The following MUC17 variants were observed in gnomAD, a reference collection of about 807,000 sequenced individuals.
MUC17 encodes the protein mucin-17.
MUC17 carries 190 observed loss-of-function variants against 170.3 expected under a neutral mutation model. The ratio of observed to expected loss-of-function variants is 1.12; its 90% confidence interval spans 0.99 to 1.26. MUC17 has a LOEUF of 1.26. MUC17 is among the 50% of genes most tolerant of loss of function. MUC17 has a pLI of 0.00. For synonymous variants in MUC17, 2,325 were observed against 2,002.5 expected, an observed-to-expected ratio of 1.16 and a Z score of -4.30; for missense variants, 6,415 against 5,530.0, an observed-to-expected ratio of 1.16 and a Z score of -5.08.
chr7:101,030,447 A>G (rs563403340), intron 1 of MUC17, among the ~76,000 whole-genome samples: 47 of 151,756 alleles, frequency 3.1e-4, no homozygotes, highest in African/African-American at 9.9e-4. Flanking sequence ...CTGGTCTCGA[A>G]CTCCTGACCT....
rs1237020093 is a variant in MUC17, at chr7:101,038,489, T to C, written c.7073T>C (p.Leu2358Pro). ...TMVASFETST[L>P]STTPADTSTP... The stretch of plus-strand genomic sequence containing the variant: ...GTGGCCAGTTTTGAAACAAGCACAC[T>C]TTCTACAACTCCTGCTGACACCAGC... The change falls in exon 3 of 13, where the codon CTT (leucine) becomes CCT (proline). Residue 2358 changes from leucine (L) to proline (P), a missense_variant. Coordinates refer to ENST00000306151, the MANE Select transcript of MUC17 (RefSeq NM_001040105.2). 1.2e-6 allele frequency: 2 copies of C among 1,603,858 alleles called. No homozygotes were observed. The highest frequency in any genetic ancestry group is 3.4e-5 in the Admixed American group (2 of 59,404).
Position 101,033,103 on chromosome 7 carries a change from T to G in MUC17, c.1687T>G (p.Ser563Ala). ...TCCTGAAGGTACCAGCATACCAACCTCAACTCCTAGTGAAGGAAGCACTCC... is the reference window on the plus strand; with the variant it reads ...TCCTGAAGGTACCAGCATACCAACCGCAACTCCTAGTGAAGGAAGCACTCC... ...TTPEGTSIPT[S>A]TPSEGSTPLT... is the part of the protein sequence containing the mutation. Residue 563 changes from serine (S) to alanine (A), a missense_variant, in exon 3 of 13, where the codon TCA becomes GCA. Ser to Ala is a moderately conservative substitution (Grantham distance 99, BLOSUM62 1). Coordinates refer to ENST00000306151, the MANE Select transcript of MUC17 (RefSeq NM_001040105.2). 1 of 1,611,638 alleles carries G rather than the reference T, an allele frequency of 6.2e-7. No individual in the cohort carries two copies. The highest frequency in any genetic ancestry group is 8.5e-7 in the Non-Finnish European group (1 of 1,178,704).
Position 101,050,647 on chromosome 7 carries a change from G to A in MUC17, c.12874+12G>A. 1.2e-6 allele frequency: 2 copies of A among 1,611,860 alleles called. No individual in the cohort carries two copies. Among genetic ancestry groups the A allele is most frequent in the South Asian group, 2.2e-5 (2 of 90,770 alleles). Reference sequence around the variant, plus strand: ...TGATATTTGCTCAGGTGAACTCTGGGCTTCCAGGGAGGGAAGGGAGAAGGC... The same window carrying A: ...TGATATTTGCTCAGGTGAACTCTGGACTTCCAGGGAGGGAAGGGAGAAGGC... On this transcript the variant is annotated intron_variant, in intron 7 of 12. Coordinates refer to ENST00000306151, the MANE Select transcript of MUC17 (RefSeq NM_001040105.2).
Position 101,041,461 on chromosome 7 carries a change from A to C in MUC17, c.10045A>C (p.Thr3349Pro), listed in dbSNP as rs766124492. 6.2e-7 allele frequency: 1 copy of C among 1,614,060 alleles called. No individual in the cohort carries two copies. The highest frequency in any genetic ancestry group is 2.2e-5 in the East Asian group (1 of 44,872). ...TCCACTAACAAATATGTCTTTCAGC[A>C]CCACGCCAGTGGTCAGTTCTGAGGC... is the stretch of plus-strand genomic sequence containing the variant. Reference protein sequence around the residue: ...STPLTNMSFSTTPVVSSEAST... With the variant: ...STPLTNMSFSPTPVVSSEAST... The change falls in exon 3 of 13, where the codon ACC (threonine) becomes CCC (proline). Residue 3349 changes from threonine (T) to proline (P), a missense_variant. Thr to Pro is a conservative substitution (Grantham distance 38). Coordinates refer to ENST00000306151, the MANE Select transcript of MUC17 (RefSeq NM_001040105.2).
At position 101,036,852 on chromosome 7, in the gene MUC17, C is replaced by T. The variant is rs752666969; in HGVS notation, c.5436C>T (p.Ser1812=). The change falls in exon 3 of 13, where the codon AGC becomes AGT. Residue 1812 remains serine (S), a synonymous_variant. Coordinates refer to ENST00000306151, the MANE Select transcript of MUC17 (RefSeq NM_001040105.2). ...TLSEGMTPLT[S]TPVSHTLVAN... ...GTGAAGGAATGACTCCATTAACAAGCACACCTGTCAGCCACACGCTGGTGG... is the reference window on the plus strand; with the variant it reads ...GTGAAGGAATGACTCCATTAACAAGTACACCTGTCAGCCACACGCTGGTGG... 4 of 1,604,618 alleles carry T rather than the reference C, an allele frequency of 2.5e-6. No individual in the cohort carries two copies. Among genetic ancestry groups the T allele is most frequent in the East Asian group, 2.3e-5 (1 of 44,246 alleles).
chr7:101,049,690 C>A (rs981468160), intron 6 of MUC17, among the ~76,000 whole-genome samples: 4 of 152,074 alleles, frequency 2.6e-5, no homozygotes, highest in African/African-American at 9.7e-5. Context: ...CTCTGCATAT[C>A]CAAATTTCCC....
In MUC17 at chr7:101,053,323, A is replaced by G; in HGVS notation, c.13266-16A>G. The G allele has an allele frequency of 6.2e-7, 1 of 1,611,362 alleles. No individual in the cohort carries two copies. The highest frequency in any genetic ancestry group is 1.3e-5 in the African/African-American group (1 of 74,958). ...CCCCAATCCTAATGGGGTCTCTCTG[A>G]TGTTTCCATCACTAGGCAAAAGTAC... On this transcript the variant is annotated splice_polypyrimidine_tract_variant and intron_variant, in intron 10 of 12. Transcript: ENST00000306151.
Position 101,037,291 on chromosome 7 carries a change from A to C in MUC17, c.5875A>C (p.Thr1959Pro), listed in dbSNP as rs1794517948. Residue 1959 changes from threonine to proline, a missense_variant, in exon 3 of 13, where the codon ACT becomes CCT. By Grantham distance (38) the Thr-to-Pro change is conservative (BLOSUM62 -1). Transcript: ENST00000306151. Reference sequence around the variant, plus strand: ...TGCTGACACCAGGACACCTGTGACCACTTATTCTCAAGCCAGTTCATCTCC... The same window carrying C: ...TGCTGACACCAGGACACCTGTGACCCCTTATTCTCAAGCCAGTTCATCTCC... ...TLADTRTPVT[T>P]YSQASSSPTT... is the part of the protein sequence containing the mutation. The C allele has an allele frequency of 1.2e-6, 2 of 1,613,524 alleles. No individual in the cohort carries two copies. Among genetic ancestry groups the C allele is most frequent in the Non-Finnish European group, 1.7e-6 (2 of 1,179,638 alleles).
rs1472881084 is a variant in MUC17 at position 101,032,146 on chromosome 7, A to G, written c.730A>G (p.Ser244Gly). Residue 244 changes from serine to glycine, a missense_variant, in exon 3 of 13, where the codon AGC becomes GGC. Physicochemically the swap from Ser to Gly is moderately conservative, Grantham distance 56. Coordinates refer to ENST00000306151, the MANE Select transcript of MUC17 (RefSeq NM_001040105.2). The part of the protein sequence containing the change: ...ITLLTTPVEI[S>G]TPVTISAQAS... ...CCTTTTGACAACTCCTGTTGAAATC[A>G]GCACACCTGTGACCATTTCTGCTCA... 1 of 1,613,862 alleles carries G rather than the reference A, an allele frequency of 6.2e-7. No homozygotes were observed. The highest frequency in any genetic ancestry group is 8.5e-7 in the Non-Finnish European group (1 of 1,179,988).
Position 101,043,442 on chromosome 7 carries a change from C to T in MUC17, c.12026C>T (p.Thr4009Ile). 6.2e-7 allele frequency: 1 copy of T among 1,614,194 alleles called. No individual in the cohort carries two copies. The highest frequency in any genetic ancestry group is 8.5e-7 in the Non-Finnish European group (1 of 1,180,040). The change falls in exon 3 of 13, where the codon ACT (threonine) becomes ATT (isoleucine). Residue 4009 changes from threonine (T) to isoleucine (I), a missense_variant. Thr to Ile is a moderately conservative substitution (Grantham distance 89). Transcript: ENST00000306151. The stretch of plus-strand genomic sequence containing the variant: ...CCCCTCACATATGTGACCATGTCTA[C>T]TGCCCCCAGCACACCCAGAACAACC... Reference protein sequence around the residue: ...AAPLTYVTMSTAPSTPRTTSR... With the variant: ...AAPLTYVTMSIAPSTPRTTSR...
chr7:101,030,237 T>TC, intron 1 of MUC17, among the ~76,000 whole-genome samples: 1 of 151,972 alleles, frequency 6.6e-6, no homozygotes, highest in Non-Finnish European at 1.5e-5. Context: ...TGGCTTTTTT[T>TC]TTTTTTTTTG....
intron 1 of MUC17, among the ~76,000 whole-genome samples, chr7:101,022,121 A>G (rs1584853409): frequency 6.8e-6 from 1 of 147,612 alleles, no homozygotes; most frequent in African/African-American, 2.5e-5. Flanking sequence ...GTCCCCATCT[A>G]GCACTTCCAT....
chr7:101,043,331 A>G lies in MUC17; in HGVS notation c.11915A>G (p.Asn3972Ser), dbSNP rs770962945. 5.0e-6 allele frequency: 8 copies of G among 1,614,064 alleles called. No homozygotes were observed. In the African/African-American group the frequency reaches 1.1e-4, roughly 22 times the overall value. Residue 3972 changes from asparagine to serine, a missense_variant, in exon 3 of 13, where the codon AAC (asparagine) becomes AGC (serine). By Grantham distance (46) the Asn-to-Ser change is conservative. Coordinates refer to ENST00000306151, the MANE Select transcript of MUC17 (RefSeq NM_001040105.2). ...CCTGTGATAACTTCCACTGAACTAA[A>G]CACACCATCAACCTCCAGTAGTAGT... ...STPVITSTEL[N>S]TPSTSSSSTT...
At chr7:101,030,082 A>G (rs999793728) in intron 1 of MUC17, among the ~76,000 whole-genome samples, 2 of 152,208 alleles carry the variant, frequency 1.3e-5, no homozygotes, top group African/African-American at 4.8e-5. Context: ...AGATTGTTCT[A>G]CGGGTCTAAT....
At chr7:101,049,293 T>C in intron 5 of MUC17, 31 bp from the exon 6 acceptor site, 1 of 1,614,014 alleles carries the variant, frequency 6.2e-7, no homozygotes, top group Non-Finnish European at 8.5e-7. Context: ...GTGGTCCCTC[T>C]GGGATGACAC....
rs141089332 is a variant in MUC17, at chr7:101,042,675, C to A, written c.11259C>A (p.Thr3753=). 1.9e-6 allele frequency: 3 copies of A among 1,613,880 alleles called. No individual in the cohort carries two copies. The highest frequency in any genetic ancestry group is 2.5e-6 in the Non-Finnish European group (3 of 1,180,032). The change falls in exon 3 of 13, where the codon ACC becomes ACA. Residue 3753 remains threonine, a synonymous_variant. Transcript: ENST00000306151. ...TGTCAATGCCCATGGAAATAAGCAC[C>A]CTTGGGACCACTATTCTTGTCAGTA... ...MSVSMPMEIS[T]LGTTILVSTT...
Position 101,033,823 on chromosome 7 carries a change from GA to G in MUC17, c.2409del (p.Gly804GlufsTer5), listed in dbSNP as rs1562805513. The part of the protein sequence containing the change: ...GTSMPISTPS[E>X]GSPLLTSIPV... Reference sequence around the variant, plus strand: ...CAGCATGCCAATCTCAACTCCTAGTGAAGGAAGTCCTTTATTAACAAGTATA... The same window carrying G: ...CAGCATGCCAATCTCAACTCCTAGTGAGGAAGTCCTTTATTAACAAGTATA... On this transcript the variant is annotated frameshift_variant, in exon 3 of 13. Transcript: ENST00000306151. LOFTEE classifies it high-confidence loss of function. 3 of 1,613,816 alleles carry G rather than the reference GA, an allele frequency of 1.9e-6. No individual in the cohort carries two copies. In the South Asian group the frequency reaches 3.3e-5, roughly 18 times the overall value.
At position 101,058,805 on chromosome 7, in the gene MUC17, TTATAA is replaced by T. The variant is rs1306446816; in HGVS notation, c.*766_*770del. 1 of 152,254 alleles carries T rather than the reference TTATAA, an allele frequency of 6.6e-6. No homozygotes were observed. Among genetic ancestry groups the T allele is most frequent in the African/African-American group, 2.4e-5 (1 of 41,568 alleles). The allele number at this position is 152,254 out of a possible 1,614,324, so 9.4% of individuals were successfully genotyped here. On this transcript the variant is annotated 3_prime_UTR_variant, in exon 13 of 13. Transcript: ENST00000306151. The stretch of plus-strand genomic sequence containing the variant: ...GTTCTGATTTTTTCCTTAGTAAATA[TTATAA>T]TATATATTTGTAGTAACTAAAAATA...
In MUC17 at chr7:101,053,132, A is replaced by G. The variant is rs1794983080; in HGVS notation, c.13250A>G (p.Lys4417Arg). The G allele has an allele frequency of 1.9e-6, 3 of 1,612,758 alleles. No homozygotes were observed. Among genetic ancestry groups the G allele is most frequent in the African/African-American group, 1.3e-5 (1 of 74,948 alleles). The change falls in exon 10 of 13, where the codon AAG becomes AGG. Residue 4417 changes from lysine to arginine, a missense_variant. Coordinates refer to ENST00000306151, the MANE Select transcript of MUC17 (RefSeq NM_001040105.2). ...CTCCTGATGCTCGTTTTCCGCTCCA[A>G]GAGAGAGGTGAAACGGTGAGCGAGC... Reference protein sequence around the residue: ...VALLMLVFRSKREVKRQKYRL... With the variant: ...VALLMLVFRSRREVKRQKYRL...
Sources: allele counts gnomAD v4.1 joint callset (sites outside exome capture counted in the v4.1 genomes callset), GRCh38; gene constraint gnomAD v4.1.1; transcripts MANE v1.5; gene names NCBI Gene and HGNC (gene_info 2026-07-23, HGNC 2026-07-21).